The following ANKS1B variants were observed in gnomAD, a reference collection of about 807,000 sequenced individuals.
The protein encoded by ANKS1B is ankyrin repeat and sterile alpha motif domain containing 1B.
In ANKS1B, 36 loss-of-function variants were observed where a neutral mutation model predicts 148.3. The ratio of observed to expected loss-of-function variants is 0.24; its 90% CI spans 0.19 to 0.32. ANKS1B has a LOEUF of 0.32. Ranked by LOEUF, ANKS1B falls within the 10% of genes least tolerant of loss-of-function variation. The pLI, the probability that ANKS1B is intolerant of heterozygous loss-of-function variation, is 1.00. For missense variants in ANKS1B, 1,157 were observed against 1,542.6 expected (o/e 0.75, Z 4.19); for synonymous variants, 542 against 560.8 (o/e 0.97, Z 0.47).
At chr12:99,441,334 A>C (rs1400694146) in intron 11 of ANKS1B, among the ~76,000 whole-genome samples, 2 of 151,712 alleles carry the variant, frequency 1.3e-5, no homozygotes, top group Non-Finnish European at 2.9e-5. Context: ...CTATCCATCC[A>C]TCCATCCTCT....
chr12:99,009,499 G>A (rs907725687), intron 17 of ANKS1B, among the ~76,000 whole-genome samples: 2 of 152,120 alleles, frequency 1.3e-5, no homozygotes, highest in African/African-American at 2.4e-5. Flanking sequence ...ATCCATCTGC[G>A]ACTCTCCTTT....
chr12:99,349,304 T>A (rs1416309346), intron 12 of ANKS1B, among the ~76,000 whole-genome samples: 1 of 151,854 alleles, frequency 6.6e-6, no homozygotes, highest in South Asian at 2.1e-4. Flanking sequence ...TTATAAGACA[T>A]CAGAAAACAA....
In ANKS1B at chr12:99,191,373, C is replaced by T. The variant is rs142331679; in HGVS notation, c.2420-36978G>A. On this transcript the variant is annotated intron_variant, in intron 14 of 26. Transcript: ENST00000683438. ...CATACCCAAAGGAGTATAAATCATT[C>T]TACTATAAAGACACATGCACACGTG... 6.7e-3 allele frequency among the ~76,000 whole-genome samples: 1,023 copies of T among 152,284 alleles called. 19 individuals carry two copies. Among genetic ancestry groups the T allele is most frequent in the African/African-American group, 0.023 (956 of 41,562 alleles).
At chr12:99,614,431 T>C (rs905710570) in intron 9 of ANKS1B, among the ~76,000 whole-genome samples, 5 of 116,470 alleles carry the variant, frequency 4.3e-5, no homozygotes, top group African/African-American at 1.7e-4. Flanking sequence ...TGAGACTCTG[T>C]GTCAAAAAGA....
At chr12:98,906,506 T>C (rs1273868953) in intron 17 of ANKS1B, among the ~76,000 whole-genome samples, 1 of 152,206 alleles carries the variant, frequency 6.6e-6, no homozygotes, top group Non-Finnish European at 1.5e-5. Context: ...TCCACAACTC[T>C]GATCTGAGGA....
chr12:99,603,034 G>T (rs1454507608), intron 9 of ANKS1B, among the ~76,000 whole-genome samples: 1 of 151,892 alleles, frequency 6.6e-6, no homozygotes, highest in Non-Finnish European at 1.5e-5. Flanking sequence ...CATAAATCCA[G>T]CAAAAATATT....
At chr12:98,826,458 T>TA (rs2099249551) in intron 19 of ANKS1B, among the ~76,000 whole-genome samples, 1 of 152,182 alleles carries the variant, frequency 6.6e-6, no homozygotes, top group Admixed American at 6.5e-5. Context: ...AAACATCTGG[T>TA]AAGCAGACCT....
intron 14 of ANKS1B, among the ~76,000 whole-genome samples, chr12:99,230,747 ATTAG>A (rs1405174452): frequency 6.6e-6 from 1 of 152,150 alleles, no homozygotes; most frequent in Non-Finnish European, 1.5e-5. Flanking sequence ...CTTGATAAAG[ATTAG>A]TTAGCACATG....
At chr12:98,922,724 C>T (rs2152918543) in intron 17 of ANKS1B, among the ~76,000 whole-genome samples, 1 of 152,222 alleles carries the variant, frequency 6.6e-6, no homozygotes, top group African/African-American at 2.4e-5. Context: ...GTCTTGAACT[C>T]CCGACCTCAG....
intron 22 of ANKS1B, among the ~76,000 whole-genome samples, chr12:98,790,794 C>T (rs2098841925): frequency 6.6e-6 from 1 of 152,152 alleles, no homozygotes. Context: ...AATGAACTTT[C>T]AGTGGATCAA....
chr12:99,884,225 C>T (rs933386835), intron 1 of ANKS1B, among the ~76,000 whole-genome samples: 1 of 152,072 alleles, frequency 6.6e-6, no homozygotes, highest in Admixed American at 6.6e-5. Context: ...CTACTACACA[C>T]CTATTAGAAT....
chr12:98,800,969 C>G (rs933709075), intron 21 of ANKS1B, 28 bp downstream of exon 21: 3 of 1,605,364 alleles, frequency 1.9e-6, no homozygotes, highest in African/African-American at 1.3e-5. Flanking sequence ...TCCACTTAGG[C>G]CCAAATACTG....
At chr12:99,039,076 T>C (rs1020554134) in intron 17 of ANKS1B, among the ~76,000 whole-genome samples, 1 of 152,242 alleles carries the variant, frequency 6.6e-6, no homozygotes, top group Non-Finnish European at 1.5e-5. Flanking sequence ...TGGCATATAG[T>C]AGGTGTTCAG....
chr12:99,633,667 A>C (rs1169914165), intron 9 of ANKS1B, among the ~76,000 whole-genome samples: 1 of 152,260 alleles, frequency 6.6e-6, no homozygotes, highest in Non-Finnish European at 1.5e-5. Context: ...GCTTCTGCAC[A>C]GCAAAAGAAA....
At chr12:98,863,471 G>A (rs892778933) in intron 17 of ANKS1B, among the ~76,000 whole-genome samples, 2 of 152,210 alleles carry the variant, frequency 1.3e-5, no homozygotes, top group Non-Finnish European at 2.9e-5. Context: ...GCCTGGTTAG[G>A]TGGAGACCCT....
chr12:99,650,412 T>C (rs1398098573), intron 9 of ANKS1B, among the ~76,000 whole-genome samples: 2 of 97,564 alleles, frequency 2.0e-5, no homozygotes, highest in African/African-American at 3.4e-5. Context: ...ATGTATAATA[T>C]CTGGAACATA....
At chr12:99,335,181 A>T (rs2152300623) in intron 12 of ANKS1B, among the ~76,000 whole-genome samples, 1 of 151,328 alleles carries the variant, frequency 6.6e-6, no homozygotes, top group East Asian at 1.9e-4. Flanking sequence ...TTCAGTTTTA[A>T]TTTTTTAAGC....
rs2098977112 is a variant in ANKS1B, at chr12:98,799,013, A to G, written c.3271-8T>C. The G allele has an allele frequency of 3.8e-6, 6 of 1,587,766 alleles. No individual in the cohort carries two copies. In the African/African-American group the frequency reaches 4.1e-5, roughly 11 times the overall value. ...CAGCATAGAACCTAAATACTAAAATACAAAAAAAATTCAATGATTTATGAA... is the reference window on the plus strand; with the variant it reads ...CAGCATAGAACCTAAATACTAAAATGCAAAAAAAATTCAATGATTTATGAA... On this transcript the variant is annotated splice_region_variant and splice_polypyrimidine_tract_variant and intron_variant, in intron 21 of 26. Transcript: ENST00000683438.
rs2079778169 is a variant in ANKS1B, at chr12:99,290,311, C to G, written c.1757-43447G>C. 2.7e-5 allele frequency among the ~76,000 whole-genome samples: 4 copies of G among 148,454 alleles called. No homozygotes were observed. In the South Asian group the frequency reaches 8.4e-4, roughly 31 times the overall value. ...AAAAAAAAAAAAAAAAGGCGTGGAC[C>G]TGATGGCTTCACTGCTAAATTCTAC... On this transcript the variant is annotated intron_variant, in intron 12 of 26. Coordinates refer to ENST00000683438, the MANE Select transcript of ANKS1B (RefSeq NM_001352186.2).
Sources: allele counts gnomAD v4.1 joint callset (sites outside exome capture counted in the v4.1 genomes callset), GRCh38; gene constraint gnomAD v4.1.1; transcripts MANE v1.5; gene names NCBI Gene and HGNC (gene_info 2026-07-23, HGNC 2026-07-21).